Variants in SRGAP2B observed in about 807,000 individuals in gnomAD.
SRGAP2B encodes SLIT-ROBO Rho GTPase-activating protein 2B.
Under a neutral mutation model 22.2 loss-of-function variants are expected in SRGAP2B, and 9 were observed. The observed-to-expected ratio is 0.41, with a 90% CI of 0.24 to 0.71. The LOEUF (loss-of-function observed/expected upper bound fraction) is 0.71. Among genes scored for constraint, SRGAP2B ranks in the 30% least tolerant of loss-of-function variants. The pLI is 0.35. For synonymous variants in SRGAP2B, 36 were observed against 87.4 expected, an observed-to-expected ratio of 0.41 and a Z score of 3.28; for missense variants, 114 against 235.8, an observed-to-expected ratio of 0.48 and a Z score of 3.38.
At chr1:144,979,084 C>T (rs1488849456) in intron 3 of SRGAP2B, among the ~76,000 whole-genome samples, 35 of 151,796 alleles carry the variant, frequency 2.3e-4, no homozygotes, top group Non-Finnish European at 7.4e-5. Context: ...GCTCTGTCAC[C>T]CAGGCTGGAG....
At chr1:145,002,557 T>C (rs1362157561) in intron 2 of SRGAP2B, among the ~76,000 whole-genome samples, 1 of 140,396 alleles carries the variant, frequency 7.1e-6, no homozygotes, top group African/African-American at 2.9e-5. Context: ...CTCAAAAAGA[T>C]AAAATAAATA....
intron 3 of SRGAP2B, among the ~76,000 whole-genome samples, chr1:144,990,583 T>C (rs1480131624): frequency 4.4e-5 from 6 of 137,886 alleles, no homozygotes; most frequent in African/African-American, 1.7e-4. Flanking sequence ...CCCTGCACTG[T>C]GGGAGCCCCT....
intron 2 of SRGAP2B, among the ~76,000 whole-genome samples, chr1:145,041,727 T>C (rs1649278028): frequency 1.4e-5 from 2 of 140,516 alleles, no homozygotes; most frequent in Admixed American, 1.4e-4. Context: ...ATTTCCATGG[T>C]TCCCCACTGG....
chr1:145,044,697 A>AAAAAAAAAAAAAAAG (rs1649569361), intron 2 of SRGAP2B, among the ~76,000 whole-genome samples: 1 of 131,308 alleles, frequency 7.6e-6, no homozygotes, highest in Non-Finnish European at 1.6e-5. Flanking sequence ...AAAAAAAAAA[A>AAAAAAAAAAAAAAAG]AAACAGAAAA....
chr1:144,938,737 CT>C (rs1356642443), intron 4 of SRGAP2B, among the ~76,000 whole-genome samples: 1 of 120,390 alleles, frequency 8.3e-6, no homozygotes, highest in Non-Finnish European at 1.7e-5. Flanking sequence ...AAGGCAAGAA[CT>C]TTTTGTTATC....
At chr1:144,909,105 T>A (rs1663208250) in intron 5 of SRGAP2B, among the ~76,000 whole-genome samples, 1 of 148,606 alleles carries the variant, frequency 6.7e-6, no homozygotes, top group Non-Finnish European at 1.5e-5. Flanking sequence ...AGGTATAAAT[T>A]GAGAAAAACA....
At chr1:145,067,314 A>G (rs1651615980) in intron 2 of SRGAP2B, among the ~76,000 whole-genome samples, 2 of 149,714 alleles carry the variant, frequency 1.3e-5, no homozygotes, top group African/African-American at 2.5e-5. Context: ...AAATTAGAAA[A>G]CTAATTATCA....
intron 4 of SRGAP2B, among the ~76,000 whole-genome samples, chr1:144,952,639 A>C (rs1314842108): frequency 1.3e-5 from 2 of 149,570 alleles, no homozygotes; most frequent in Non-Finnish European, 3.0e-5. Context: ...GCATGATTAC[A>C]GCTCACTGCA....
intron 3 of SRGAP2B, among the ~76,000 whole-genome samples, chr1:144,993,981 T>G (rs1310827376): frequency 6.6e-6 from 1 of 150,390 alleles, no homozygotes; most frequent in Admixed American, 6.6e-5. Context: ...TTGCAATTTT[T>G]TTTAAGCTCA....
chr1:144,913,180 G>A (rs1332738728), intron 5 of SRGAP2B, among the ~76,000 whole-genome samples: 1 of 134,962 alleles, frequency 7.4e-6, no homozygotes, highest in East Asian at 2.3e-4. Flanking sequence ...GTCTTCTTCT[G>A]CTGCCTTGAG....
chr1:144,931,936 G>A (rs1269988008), intron 4 of SRGAP2B, among the ~76,000 whole-genome samples: 7 of 146,314 alleles, frequency 4.8e-5, no homozygotes, highest in African/African-American at 7.9e-5. Context: ...GCCCTACAGA[G>A]TTCAGGCAAC....
intron 3 of SRGAP2B, among the ~76,000 whole-genome samples, chr1:144,989,698 G>A (rs4844460): frequency 2.7e-5 from 4 of 149,918 alleles, no homozygotes; most frequent in East Asian, 2.0e-4. Flanking sequence ...TAGACTGATT[G>A]TTACCCAGAA....
At chr1:144,979,815 C>G (rs1360043141) in intron 3 of SRGAP2B, among the ~76,000 whole-genome samples, 2 of 151,630 alleles carry the variant, frequency 1.3e-5, no homozygotes, top group African/African-American at 4.9e-5. Flanking sequence ...TGAGGCCTCA[C>G]CAGAAGCAGA....
intron 3 of SRGAP2B, among the ~76,000 whole-genome samples, chr1:144,991,969 C>T (rs1425145239): frequency 3.5e-4 from 51 of 144,676 alleles, no homozygotes; most frequent in Non-Finnish European, 5.8e-4. Context: ...TGTTCTTTTG[C>T]TTTTTGCAAT....
chr1:144,998,885 C>A (rs1343922810), intron 2 of SRGAP2B, among the ~76,000 whole-genome samples: 1 of 150,922 alleles, frequency 6.6e-6, no homozygotes, highest in Non-Finnish European at 1.5e-5. Context: ...GGCCCCAGTC[C>A]CCGTTCATGC....
chr1:145,002,733 AT>A (rs1404923521), intron 2 of SRGAP2B, among the ~76,000 whole-genome samples: 1 of 148,446 alleles, frequency 6.7e-6, no homozygotes, highest in Non-Finnish European at 1.5e-5. Context: ...CCAAATATAC[AT>A]TTCAAAATTT....
chr1:144,932,268 G>C, intron 4 of SRGAP2B, among the ~76,000 whole-genome samples: 1 of 150,102 alleles, frequency 6.7e-6, no homozygotes, highest in East Asian at 2.0e-4. Context: ...GTGTGGAGCT[G>C]CAGGTCACGG....
chr1:144,942,281 C>A (rs1433767623), intron 4 of SRGAP2B, among the ~76,000 whole-genome samples: 5 of 150,330 alleles, frequency 3.3e-5, no homozygotes, highest in Non-Finnish European at 7.4e-5. Flanking sequence ...AAATTGACAC[C>A]TTGTCAGCTT....
chr1:144,939,339 A>C (rs584471), intron 4 of SRGAP2B, among the ~76,000 whole-genome samples: 2,743 of 149,638 alleles, frequency 0.018, 146 homozygotes, highest in African/African-American at 0.064. Context: ...AGAATCCTGG[A>C]AGCAGGTAAT....
Sources: allele counts gnomAD v4.1 joint callset (sites outside exome capture counted in the v4.1 genomes callset), GRCh38; gene constraint gnomAD v4.1.1; transcripts MANE v1.5; gene names NCBI Gene and HGNC (gene_info 2026-07-23, HGNC 2026-07-21).